Variants in DPP10 observed in about 807,000 individuals in gnomAD.
The protein encoded by DPP10 is inactive dipeptidyl peptidase 10.
Under a neutral mutation model 120.9 loss-of-function variants are expected in DPP10, and 33 were observed. The ratio of observed to expected loss-of-function variants is 0.27; its 90% CI spans 0.21 to 0.37. The LOEUF (loss-of-function observed/expected upper bound fraction) is 0.37, where lower values mean the gene tolerates loss of function less well. Among genes scored for constraint, DPP10 ranks in the 10% least tolerant of loss-of-function variants. The probability of loss-of-function intolerance (pLI) is 1.00; values close to 1 mark genes in which losing one functional copy is unlikely to be tolerated. For missense variants in DPP10, 816 were observed against 942.8 expected (o/e 0.87, Z 1.76); for synonymous variants, 337 against 326.1 (o/e 1.03, Z -0.36).
intron 3 of DPP10, among the ~76,000 whole-genome samples, chr2:115,474,246 T>C (rs535444209): frequency 7.2e-5 from 11 of 152,170 alleles, no homozygotes; most frequent in African/African-American, 2.4e-4. Flanking sequence ...GAGAAAACTT[T>C]TCTGTTTTGA....
At chr2:114,589,673 A>G (rs893559743) in intron 1 of DPP10, among the ~76,000 whole-genome samples, 8 of 152,218 alleles carry the variant, frequency 5.3e-5, no homozygotes, top group African/African-American at 1.9e-4. Flanking sequence ...TTGAATAATT[A>G]TCTTCTGGTT....
intron 1 of DPP10, among the ~76,000 whole-genome samples, chr2:114,759,981 C>T (rs778825540): frequency 6.6e-6 from 1 of 152,192 alleles, no homozygotes; most frequent in Non-Finnish European, 1.5e-5. Context: ...ATTTTAGCTT[C>T]AATATTTCTT....
chr2:115,362,608 G>GATAT (rs1456548032), intron 3 of DPP10, among the ~76,000 whole-genome samples: 1 of 152,130 alleles, frequency 6.6e-6, no homozygotes, highest in East Asian at 1.9e-4. Context: ...ATGTGATAAA[G>GATAT]ATATATTAGT....
At chr2:114,551,979 G>T (rs1687921677) in intron 1 of DPP10, among the ~76,000 whole-genome samples, 1 of 152,180 alleles carries the variant, frequency 6.6e-6, no homozygotes. Context: ...CTATGAAAAA[G>T]TAAAATGGGG....
Position 115,637,219 on chromosome 2 carries a change from A to T in DPP10, c.442-52468A>T, listed in dbSNP as rs183574815. Among the ~76,000 whole-genome samples the T allele has an allele frequency of 4.0e-3, 607 of 152,340 alleles. 7 individuals are homozygous for T. The highest frequency in any genetic ancestry group is 0.014 in the Middle Eastern group (4 of 294). On this transcript the variant is annotated intron_variant, in intron 5 of 25. Transcript: ENST00000410059. Reference sequence around the variant, plus strand: ...AAATGTGACTAAATCAAAGCAAATTATGACTATATAAAGCCAAAGTAATTT... The same window carrying T: ...AAATGTGACTAAATCAAAGCAAATTTTGACTATATAAAGCCAAAGTAATTT...
At chr2:114,494,351 C>G (rs763363174) in intron 1 of DPP10, among the ~76,000 whole-genome samples, 3 of 152,092 alleles carry the variant, frequency 2.0e-5, no homozygotes, top group African/African-American at 4.8e-5. Flanking sequence ...GAGCCTTTTA[C>G]ATAGGGAGTG....
intron 1 of DPP10, among the ~76,000 whole-genome samples, chr2:115,090,852 G>A (rs1340080032): frequency 6.6e-6 from 1 of 152,052 alleles, no homozygotes; most frequent in Non-Finnish European, 1.5e-5. Context: ...GGAGGGGAGG[G>A]TTATCTCAGG....
chr2:114,455,732 T>TG (rs58137309), intron 1 of DPP10, among the ~76,000 whole-genome samples: 2 of 148,430 alleles, frequency 1.3e-5, no homozygotes, highest in Non-Finnish European at 3.0e-5. Context: ...TTCATTTGTT[T>TG]TTTTTTTTTT....
chr2:114,659,567 A>G (rs553912199), intron 1 of DPP10, among the ~76,000 whole-genome samples: 1 of 152,194 alleles, frequency 6.6e-6, no homozygotes, highest in East Asian at 1.9e-4. Context: ...TTTTCAGAAA[A>G]CAATCACCCA....
chr2:114,877,950 A>G (rs1002640780), intron 1 of DPP10, among the ~76,000 whole-genome samples: 1 of 152,054 alleles, frequency 6.6e-6, no homozygotes, highest in African/African-American at 2.4e-5. Flanking sequence ...CATTTTTAAT[A>G]CTGGAATAGT....
intron 5 of DPP10, among the ~76,000 whole-genome samples, chr2:115,558,716 T>G (rs543050694): frequency 2.9e-4 from 42 of 146,332 alleles, no homozygotes; most frequent in African/African-American, 1.0e-3. Flanking sequence ...AAGAGTTATT[T>G]TCATTTATTC....
intron 1 of DPP10, among the ~76,000 whole-genome samples, chr2:114,907,148 A>T (rs1694033940): frequency 6.6e-6 from 1 of 152,062 alleles, no homozygotes; most frequent in African/African-American, 2.4e-5. Flanking sequence ...TTTAAAAAAA[A>T]ATATTTCTGT....
At chr2:115,064,821 C>T (rs1706712963) in intron 1 of DPP10, 5 of 1,304,064 alleles carry the variant, frequency 3.8e-6, no homozygotes, top group Non-Finnish European at 4.0e-6. Flanking sequence ...TGGATGCTAC[C>T]TAGGTTTGTT....
intron 1 of DPP10, among the ~76,000 whole-genome samples, chr2:114,761,394 G>C (rs925896908): frequency 6.6e-6 from 1 of 152,082 alleles, no homozygotes; most frequent in Non-Finnish European, 1.5e-5. Flanking sequence ...ACTGTATAAG[G>C]AGGCATTCCA....
rs542666524 is a variant in DPP10 at position 115,246,738 on chromosome 2, T to C, written c.61-62501T>C. Among the ~76,000 whole-genome samples the C allele has an allele frequency of 2.6e-5, 4 of 152,274 alleles. 1 individual carries two copies. The South Asian group carries it at 8.3e-4, about 32-fold the overall frequency. On this transcript the variant is annotated intron_variant, in intron 1 of 25. Coordinates refer to ENST00000410059, the MANE Select transcript of DPP10 (RefSeq NM_020868.6). ...GGACTTGGGAACTAGATTTGAACTCTTATTTTACTATATGTATACTTATTT... is the reference window on the plus strand; with the variant it reads ...GGACTTGGGAACTAGATTTGAACTCCTATTTTACTATATGTATACTTATTT...
At chr2:114,781,260 A>C (rs1682301470) in intron 1 of DPP10, among the ~76,000 whole-genome samples, 2 of 152,170 alleles carry the variant, frequency 1.3e-5, no homozygotes, top group Non-Finnish European at 2.9e-5. Context: ...TCGTGATCAC[A>C]TCACTGTTGT....
chr2:115,384,706 GAAA>G (rs753226358), intron 3 of DPP10, among the ~76,000 whole-genome samples: 1 of 118,442 alleles, frequency 8.4e-6, no homozygotes, highest in East Asian at 2.5e-4. Context: ...AAAGAAAGAA[GAAA>G]GAAGAAGAAG....
At chr2:115,459,453 G>A (rs1278948401) in intron 3 of DPP10, among the ~76,000 whole-genome samples, 3 of 152,056 alleles carry the variant, frequency 2.0e-5, no homozygotes, top group Non-Finnish European at 2.9e-5. Flanking sequence ...TACCACGCCC[G>A]GCTGTGAGTT....
At chr2:115,367,934 A>T (rs1428365419) in intron 3 of DPP10, among the ~76,000 whole-genome samples, 2 of 152,120 alleles carry the variant, frequency 1.3e-5, no homozygotes, top group Admixed American at 1.3e-4. Context: ...AAAACAGTTT[A>T]GGAATTAAAG....
Sources: gnomAD v4.1 joint callset for allele counts (sites outside exome capture counted in the v4.1 genomes callset) on GRCh38, gnomAD v4.1.1 for gene constraint, MANE v1.5 for transcripts, NCBI Gene and HGNC (gene_info 2026-07-23, HGNC 2026-07-21) for gene names.